Variants in GPR89A observed in about 807,000 individuals in gnomAD.
GPR89A encodes the protein golgi pH regulator A.
In GPR89A, 16 loss-of-function variants were observed where a neutral mutation model predicts 52.0. That is an observed-to-expected ratio of 0.31 (90% CI 0.21 to 0.47). The LOEUF (loss-of-function observed/expected upper bound fraction) is 0.47, where lower values mean the gene tolerates loss of function less well. Among genes scored for constraint, GPR89A ranks in the 20% least tolerant of loss-of-function variants. GPR89A has a pLI of 1.00. For missense variants in GPR89A, 135 were observed against 449.4 expected, an observed-to-expected ratio of 0.30 and a Z score of 6.33; for synonymous variants, 55 against 150.9, an observed-to-expected ratio of 0.36 and a Z score of 4.66.
At chr1:145,620,202 A>G (rs1397434640) in intron 3 of GPR89A, among the ~76,000 whole-genome samples, 49 of 152,054 alleles carry the variant, frequency 3.2e-4, no homozygotes, top group Non-Finnish European at 6.5e-4. Context: ...GGGCCAGATA[A>G]TAAATATTTT....
At chr1:145,633,859 A>G (rs1650035515) in intron 7 of GPR89A, among the ~76,000 whole-genome samples, 1 of 149,466 alleles carries the variant, frequency 6.7e-6, no homozygotes, top group South Asian at 2.1e-4. Context: ...TGTTCAATGA[A>G]CATTCCAAAA....
At chr1:145,632,714 A>G (rs1474693732) in intron 7 of GPR89A, among the ~76,000 whole-genome samples, 1 of 152,204 alleles carries the variant, frequency 6.6e-6, no homozygotes, top group African/African-American at 2.4e-5. Context: ...ATAGGTGTAC[A>G]GATATCTCTT....
At chr1:145,619,225 A>G in intron 3 of GPR89A, among the ~76,000 whole-genome samples, 1 of 151,796 alleles carries the variant, frequency 6.6e-6, no homozygotes, top group Non-Finnish European at 1.5e-5. Context: ...ATCCTTTGAT[A>G]ATCAGAGTTG....
chr1:145,632,337 G>T (rs1553690023), intron 7 of GPR89A, among the ~76,000 whole-genome samples: 1 of 151,362 alleles, frequency 6.6e-6, no homozygotes, highest in Admixed American at 6.6e-5. Context: ...ATGTTGCAAA[G>T]AAAAAAAACC....
chr1:145,620,246 G>A (rs1649048679), intron 3 of GPR89A, among the ~76,000 whole-genome samples: 1 of 152,110 alleles, frequency 6.6e-6, no homozygotes, highest in Non-Finnish European at 1.5e-5. Context: ...TCTATCACAA[G>A]TACTCAGCTC....
At chr1:145,636,831 T>G (rs587755978) in intron 7 of GPR89A, among the ~76,000 whole-genome samples, 5 of 152,114 alleles carry the variant, frequency 3.3e-5, no homozygotes, top group African/African-American at 4.8e-5. Context: ...AGTTGATAGC[T>G]TTCTTGCCTG....
chr1:145,635,550 T>C (rs1403555418), intron 7 of GPR89A, among the ~76,000 whole-genome samples: 3 of 152,232 alleles, frequency 2.0e-5, no homozygotes, highest in African/African-American at 7.2e-5. Context: ...TACATGAGTG[T>C]ATATAAATGC....
At chr1:145,610,881 G>A (rs1293288323) in intron 1 of GPR89A, among the ~76,000 whole-genome samples, 2 of 151,866 alleles carry the variant, frequency 1.3e-5, no homozygotes, top group Non-Finnish European at 2.9e-5. Flanking sequence ...TTTCAACCCA[G>A]AAGTCACTTT....
rs587775006 is a variant in GPR89A, at chr1:145,658,687, A to G, written c.910-4642A>G. Among the ~76,000 whole-genome samples, 355 of 150,486 alleles carry G rather than the reference A, an allele frequency of 2.4e-3. 1 individual carries two copies. Among genetic ancestry groups the G allele is most frequent in the African/African-American group, 8.2e-3 (336 of 40,854 alleles). ...CTATTTCATTTTATAGGTACACCACATTTTTTATCCATTTATTAGTTGATG... is the reference window on the plus strand; with the variant it reads ...CTATTTCATTTTATAGGTACACCACGTTTTTTATCCATTTATTAGTTGATG... On this transcript the variant is annotated intron_variant, in intron 10 of 13. Transcript: ENST00000313835.
At chr1:145,657,209 C>G (rs1651865215) in intron 10 of GPR89A, among the ~76,000 whole-genome samples, 1 of 148,236 alleles carries the variant, frequency 6.7e-6, no homozygotes, top group Admixed American at 6.7e-5. Flanking sequence ...GCCTGGGCAG[C>G]ATAGCAAGAC....
chr1:145,617,669 C>T (rs587719474), intron 2 of GPR89A, among the ~76,000 whole-genome samples: 198 of 152,090 alleles, frequency 1.3e-3, no homozygotes, highest in African/African-American at 4.6e-3. Flanking sequence ...TCTTCTGCTG[C>T]GGCTTCAGCC....
At chr1:145,632,420 C>T (rs1434340314) in intron 7 of GPR89A, among the ~76,000 whole-genome samples, 2 of 151,980 alleles carry the variant, frequency 1.3e-5, no homozygotes, top group Non-Finnish European at 2.9e-5. Flanking sequence ...CCCATCCAGC[C>T]TCTGGTAACC....
intron 7 of GPR89A, among the ~76,000 whole-genome samples, chr1:145,632,435 T>TTCTAC (rs1346962782): frequency 6.6e-6 from 1 of 152,064 alleles, no homozygotes; most frequent in African/African-American, 2.4e-5. Flanking sequence ...GTAACCATCA[T>TTCTAC]TCTACCCTCT....
At chr1:145,640,838 TA>T (rs1650610045) in intron 7 of GPR89A, among the ~76,000 whole-genome samples, 1 of 149,466 alleles carries the variant, frequency 6.7e-6, no homozygotes, top group Non-Finnish European at 1.5e-5. Flanking sequence ...AAAATGCAGT[TA>T]GAAAATAAGC....
chr1:145,665,933 G>A (rs1204656054), intron 12 of GPR89A, among the ~76,000 whole-genome samples: 1 of 151,812 alleles, frequency 6.6e-6, no homozygotes, highest in Non-Finnish European at 1.5e-5. Context: ...AGCAGAGATT[G>A]CAGTGAACCA....
intron 10 of GPR89A, among the ~76,000 whole-genome samples, chr1:145,652,703 C>G: frequency 8.3e-6 from 1 of 120,492 alleles, no homozygotes; most frequent in East Asian, 2.3e-4. Context: ...TCAACTTCTT[C>G]CTGGTTCAGT....
chr1:145,626,599 T>C (rs1356741745), intron 5 of GPR89A, among the ~76,000 whole-genome samples: 1 of 151,676 alleles, frequency 6.6e-6, no homozygotes, highest in African/African-American at 2.4e-5. Flanking sequence ...ACTGCCTTCT[T>C]AGAGCTTTCC....
At position 145,668,754 on chromosome 1, in the gene GPR89A, C is replaced by T. The variant is rs587710991; in HGVS notation, c.1096-871C>T. On this transcript the variant is annotated intron_variant, in intron 12 of 13. Coordinates refer to ENST00000313835, the MANE Select transcript of GPR89A (RefSeq NM_001097612.2). ...ATTTCGAGATACGTCCCATCAATAC[C>T]TAATTTATTGAGTTTTTAGCATGGA... Among the ~76,000 whole-genome samples, 197 of 152,168 alleles carry T rather than the reference C, an allele frequency of 1.3e-3. 1 individual carries two copies. The highest frequency in any genetic ancestry group is 4.7e-3 in the African/African-American group (196 of 41,534).
At chr1:145,656,521 C>T (rs1241501872) in intron 10 of GPR89A, among the ~76,000 whole-genome samples, 16 of 152,174 alleles carry the variant, frequency 1.1e-4, no homozygotes, top group Non-Finnish European at 2.9e-5. Context: ...ACCTGGTTAC[C>T]TCAGCCTGAA....
Sources: allele counts gnomAD v4.1 joint callset (sites outside exome capture counted in the v4.1 genomes callset), GRCh38; gene constraint gnomAD v4.1.1; transcripts MANE v1.5; gene names NCBI Gene and HGNC (gene_info 2026-07-23, HGNC 2026-07-21).